Variants in HOXB6 observed in about 807,000 individuals in gnomAD.
The protein encoded by HOXB6 is homeobox B6, also known as homeobox protein Hox-B6.
In HOXB6, 18 loss-of-function variants were observed where a neutral mutation model predicts 24.2. That is an observed-to-expected ratio of 0.74 (90% confidence interval 0.51 to 1.10). The LOEUF (loss-of-function observed/expected upper bound fraction) is 1.10, where lower values mean the gene tolerates loss of function less well. Ranked by LOEUF, HOXB6 falls within the 50% of genes least tolerant of loss-of-function variation. The pLI is 0.00. For synonymous variants in HOXB6, 159 were observed against 139.1 expected (o/e 1.14, Z -1.01); for missense variants, 332 against 308.3 (o/e 1.08, Z -0.58).
chr17:48,596,087 G>T lies in HOXB6; in HGVS notation c.*326C>A, dbSNP rs2070277323. On this transcript the variant is annotated 3_prime_UTR_variant, in exon 4 of 4. Transcript: ENST00000225648. The surrounding 1 kb of genome is among the most constrained non-coding windows in gnomAD (Gnocchi z 4.8). ...CATGGACAAAATGAGACGCGACAGG[G>T]ACAAGAGCATTTTGCTCTGCTTCCA... 5.5e-6 allele frequency: 3 copies of T among 542,168 alleles called. No homozygotes were observed. In the East Asian group the frequency reaches 1.4e-4, roughly 25 times the overall value. The allele number at this position is 542,168 out of a possible 1,614,324, so 33.6% of individuals were successfully genotyped here. A position where few individuals can be genotyped will look rare whatever the true frequency, so the allele number is the denominator to read the frequency against.
chr17:48,597,000 C>CGGCCG lies in HOXB6; in HGVS notation c.416-329_416-328insCGGCC. On this transcript the variant is annotated intron_variant, in intron 3 of 3. Coordinates refer to ENST00000225648, the MANE Select transcript of HOXB6 (RefSeq NM_018952.5). This position sits in a 1 kb window ranked among gnomAD's most constrained non-coding sequence, Gnocchi z 4.8. ...TTCCATCCATCTTGTTCCCACCCCC[C>CGGCCG]GTCATCCCCCCAACCCAATGATAAA... is the stretch of plus-strand genomic sequence containing the variant. The CGGCCG allele has an allele frequency of 2.5e-6, 3 of 1,201,868 alleles. No individual in the cohort carries two copies. Among genetic ancestry groups the CGGCCG allele is most frequent in the Non-Finnish European group, 3.2e-6 (3 of 939,070 alleles). 74.5% of individuals were successfully genotyped at this position (1,201,868 alleles called of 1,614,324 possible).
In HOXB6 at chr17:48,596,045, G is replaced by A. The variant is rs2070275792; in HGVS notation, c.*368C>T. On this transcript the variant is annotated 3_prime_UTR_variant, in exon 4 of 4. Coordinates refer to ENST00000225648, the MANE Select transcript of HOXB6 (RefSeq NM_018952.5). This position sits in a 1 kb window ranked among gnomAD's most constrained non-coding sequence, Gnocchi z 4.8. ...CTGAGGGGACAGCGAATCTACCATT[G>A]AACCGTGCACGGGGGACATGGACAA... is the stretch of plus-strand genomic sequence containing the variant. 1 of 479,686 alleles carries A rather than the reference G, an allele frequency of 2.1e-6. No homozygotes were observed. The highest frequency in any genetic ancestry group is 2.0e-5 in the African/African-American group (1 of 51,088). The allele number at this position is 479,686 out of a possible 1,614,324, so 29.7% of individuals were successfully genotyped here. A position where few individuals can be genotyped will look rare whatever the true frequency, so the allele number is the denominator to read the frequency against.
intron 2 of HOXB6, chr17:48,602,014 T>C (rs375901523): frequency 9.2e-6 from 4 of 435,306 alleles, no homozygotes; most frequent in African/African-American, 8.0e-5. Flanking sequence ...ATTACGACGG[T>C]GTGGTTCCTT....
chr17:48,601,928 A>G lies in HOXB6; in HGVS notation c.-79+2552T>C, dbSNP rs1781676066. On this transcript the variant is annotated intron_variant, in intron 2 of 3. Transcript: ENST00000225648. ...TATTCAAACGCTGCAGCAGAGGCGC[A>G]TAGCCTAGCCCTGGCCACCCCCTCT... is the stretch of plus-strand genomic sequence containing the variant. 4 of 360,414 alleles carry G rather than the reference A, an allele frequency of 1.1e-5. No homozygotes were observed. The Admixed American group carries it at 1.4e-4, about 13-fold the overall frequency. 22.3% of individuals were successfully genotyped at this position (360,414 alleles called of 1,614,324 possible). A position where few individuals can be genotyped will look rare whatever the true frequency, so the allele number is the denominator to read the frequency against.
chr17:48,603,117 G>C (rs527876495), intron 2 of HOXB6, among the ~76,000 whole-genome samples: 1 of 152,224 alleles, frequency 6.6e-6, no homozygotes, highest in Admixed American at 6.5e-5. Flanking sequence ...CCAGAGGCCC[G>C]AGGCTGAATG....
chr17:48,596,136 C>T lies in HOXB6; in HGVS notation c.*277G>A, dbSNP rs761996088. ...CAGGAAACATCAAGTGAGTCCGCTC[C>T]TCAGTTCTCACCAGGAAGCCTGATC... On this transcript the variant is annotated 3_prime_UTR_variant, in exon 4 of 4. Coordinates refer to ENST00000225648, the MANE Select transcript of HOXB6 (RefSeq NM_018952.5). The surrounding 1 kb of genome is among the most constrained non-coding windows in gnomAD (Gnocchi z 4.8). The T allele has an allele frequency of 3.1e-6, 2 of 653,198 alleles. No individual in the cohort carries two copies. The highest frequency in any genetic ancestry group is 3.6e-5 in the African/African-American group (2 of 56,244). The allele number at this position is 653,198 out of a possible 1,614,324, so 40.5% of individuals were successfully genotyped here. A position where few individuals can be genotyped will look rare whatever the true frequency, so the allele number is the denominator to read the frequency against.
At chr17:48,601,764 G>A in intron 2 of HOXB6, 1 of 226,572 alleles carries the variant, frequency 4.4e-6, no homozygotes, top group Non-Finnish European at 8.9e-6. Flanking sequence ...ACCTTGGTTT[G>A]CCTGGCACCG....
Position 48,597,474 on chromosome 17 carries a change from G to T in HOXB6, c.415+262C>A, listed in dbSNP as rs558769784. Among the ~76,000 whole-genome samples the T allele has an allele frequency of 2.0e-5, 3 of 152,268 alleles. No homozygotes were observed. The South Asian group carries it at 6.2e-4, about 32-fold the overall frequency. On this transcript the variant is annotated intron_variant, in intron 3 of 3. Coordinates refer to ENST00000225648, the MANE Select transcript of HOXB6 (RefSeq NM_018952.5). The stretch of plus-strand genomic sequence containing the variant: ...GCTCCCTTCCCTGTCCTGGAACCCC[G>T]GCTCTGGCCAGGCGCCCCAGGAGAG...
At chr17:48,599,551 C>T (rs2070406377) in intron 2 of HOXB6, among the ~76,000 whole-genome samples, 1 of 152,220 alleles carries the variant, frequency 6.6e-6, no homozygotes, top group African/African-American at 2.4e-5. Flanking sequence ...TCCCTTCTGT[C>T]TGTATCTCAG....
Position 48,596,511 on chromosome 17 carries a change from A to AT in HOXB6, c.576dup (p.Trp193MetfsTer123), listed in dbSNP as rs750722627. ...CACTTCATGCGTCGGTTCTGGAACCATATCTTGATCTGCCTCTCCGTCAGG... is the reference window on the plus strand; with the variant it reads ...CACTTCATGCGTCGGTTCTGGAACCATTATCTTGATCTGCCTCTCCGTCAGG... On this transcript the variant is annotated frameshift_variant, in exon 4 of 4. Coordinates refer to ENST00000225648, the MANE Select transcript of HOXB6 (RefSeq NM_018952.5). LOFTEE classifies it high-confidence loss of function. The surrounding 1 kb of genome is among the most constrained non-coding windows in gnomAD (Gnocchi z 4.8). 5.6e-6 allele frequency: 9 copies of AT among 1,614,218 alleles called. No homozygotes were observed. Among genetic ancestry groups the AT allele is most frequent in the Non-Finnish European group, 7.6e-6 (9 of 1,180,042 alleles).
rs1180942259 is a variant in HOXB6 at position 48,597,985 on chromosome 17, A to C, written c.166T>G (p.Ser56Ala). Residue 56 changes from serine to alanine, a missense_variant, in exon 3 of 4, where the codon TCC becomes GCC. By Grantham distance (99) the Ser-to-Ala change is moderately conservative. Transcript: ENST00000225648. ...CCGCCCGCCGGCGGGTAATAGGAGG[A>C]AGTGGCAAAGCCCTTGTCCTGGCCC... is the stretch of plus-strand genomic sequence containing the variant. ...GPGQDKGFAT[S>A]SYYPPAGGGY... is the part of the protein sequence containing the mutation. 45 of 1,590,194 alleles carry C rather than the reference A, an allele frequency of 2.8e-5. No homozygotes were observed. The highest frequency in any genetic ancestry group is 3.8e-5 in the Non-Finnish European group (44 of 1,168,584).
Position 48,598,217 on chromosome 17 carries a change from C to A in HOXB6, c.-67G>T. On this transcript the variant is annotated 5_prime_UTR_variant, in exon 3 of 4. Transcript: ENST00000225648. ...TTATGATTTGTTGTGTTTTATAGTC[C>A]GAGCGCCGCGCCTATTAGTAGTATA... 2 of 1,447,630 alleles carry A rather than the reference C, an allele frequency of 1.4e-6. No homozygotes were observed. Among genetic ancestry groups the A allele is most frequent in the South Asian group, 1.4e-5 (1 of 69,568 alleles). 89.7% of individuals were successfully genotyped at this position (1,447,630 alleles called of 1,614,324 possible).
In HOXB6 at chr17:48,596,625, G is replaced by A. The variant is rs776585189; in HGVS notation, c.463C>T (p.Arg155Cys). ...SGRRGRQTYT[R>C]YQTLELEKEF... ...TTCTCCAGCTCCAGCGTCTGGTAAC[G>A]TGTGTATGTCTGGCGGCCTCGCCGG... The change falls in exon 4 of 4, where the codon CGT (arginine) becomes TGT (cysteine). Residue 155 changes from arginine (R) to cysteine (C), a missense_variant. Coordinates refer to ENST00000225648, the MANE Select transcript of HOXB6 (RefSeq NM_018952.5). This position sits in a 1 kb window ranked among gnomAD's most constrained non-coding sequence, Gnocchi z 4.8. 1.2e-6 allele frequency: 2 copies of A among 1,614,106 alleles called. No homozygotes were observed. The highest frequency in any genetic ancestry group is 1.7e-6 in the Non-Finnish European group (2 of 1,180,048).
At position 48,596,180 on chromosome 17, in the gene HOXB6, C is replaced by G. The variant is rs2070280454; in HGVS notation, c.*233G>C. ...CCTGATCAGGCTGAGGCGAGTTCCT[C>G]GGGAAGGAAGGGCGCGCGGGATGCT... On this transcript the variant is annotated 3_prime_UTR_variant, in exon 4 of 4. Coordinates refer to ENST00000225648, the MANE Select transcript of HOXB6 (RefSeq NM_018952.5). This position sits in a 1 kb window ranked among gnomAD's most constrained non-coding sequence, Gnocchi z 4.8. 1.4e-6 allele frequency: 1 copy of G among 700,090 alleles called. No individual in the cohort carries two copies. Among genetic ancestry groups the G allele is most frequent in the African/African-American group, 1.7e-5 (1 of 57,214 alleles). 43.4% of individuals were successfully genotyped at this position (700,090 alleles called of 1,614,324 possible). A position where few individuals can be genotyped will look rare whatever the true frequency, so the allele number is the denominator to read the frequency against.
chr17:48,604,370 G>C (rs950727109), intron 2 of HOXB6, 110 bp downstream of exon 2: 2 of 152,400 alleles, frequency 1.3e-5, no homozygotes, highest in Non-Finnish European at 2.9e-5. Context: ...CCAGAGGTGG[G>C]GTTCAGCCCC....
chr17:48,599,566 G>A (rs935052098), intron 2 of HOXB6, among the ~76,000 whole-genome samples: 1 of 152,260 alleles, frequency 6.6e-6, no homozygotes, highest in South Asian at 2.1e-4. Context: ...TCTCAGCATC[G>A]CTACAATTCC....
Position 48,596,553 on chromosome 17 carries a change from T to A in HOXB6, c.535A>T (p.Ile179Phe). 1 of 1,614,242 alleles carries A rather than the reference T, an allele frequency of 6.2e-7. No individual in the cohort carries two copies. The highest frequency in any genetic ancestry group is 2.2e-5 in the East Asian group (1 of 44,890). The stretch of plus-strand genomic sequence containing the variant: ...TCCGTCAGGCACAGGGCGTGCGCGA[T>A]CTCGATGCGCCGCCGCCGCGTCAGG... ...RYLTRRRRIE[I>F]AHALCLTERQ... Residue 179 changes from isoleucine to phenylalanine, a missense_variant, in exon 4 of 4, where the codon ATC becomes TTC. Coordinates refer to ENST00000225648, the MANE Select transcript of HOXB6 (RefSeq NM_018952.5). The surrounding 1 kb of genome is among the most constrained non-coding windows in gnomAD (Gnocchi z 4.8).
At chr17:48,602,040 G>A (rs897397081) in intron 2 of HOXB6, 2 of 452,086 alleles carry the variant, frequency 4.4e-6, no homozygotes, top group Non-Finnish European at 8.9e-6. Context: ...TTTGGCCCCA[G>A]TCCCACTACC....
rs2070273784 is a variant in HOXB6, at chr17:48,595,976, G to A, written c.*437C>T. The stretch of plus-strand genomic sequence containing the variant: ...TTCCAGTGGCTTTGGGGAGGGGGTG[G>A]GAGAGACGACAGGTCTGGGATCAGG... On this transcript the variant is annotated 3_prime_UTR_variant, in exon 4 of 4. Coordinates refer to ENST00000225648, the MANE Select transcript of HOXB6 (RefSeq NM_018952.5). The A allele has an allele frequency of 1.3e-5, 6 of 447,678 alleles. No homozygotes were observed. Among genetic ancestry groups the A allele is most frequent in the South Asian group, 9.6e-5 (6 of 62,686 alleles). The allele number at this position is 447,678 out of a possible 1,614,324, so 27.7% of individuals were successfully genotyped here. A position where few individuals can be genotyped will look rare whatever the true frequency, so the allele number is the denominator to read the frequency against.
Sources: gnomAD v4.1 joint callset for allele counts (sites outside exome capture counted in the v4.1 genomes callset) on GRCh38, gnomAD v4.1.1 for gene constraint, Gnocchi (gnomAD v3.1) non-coding constraint, MANE v1.5 for transcripts, NCBI Gene and HGNC (gene_info 2026-07-23, HGNC 2026-07-21) for gene names.